Variants in TBC1D9 observed in about 807,000 individuals in gnomAD.
TBC1D9 encodes TBC1 domain family member 9A.
TBC1D9 carries 63 observed loss-of-function variants against 132.0 expected under a neutral mutation model. The ratio of observed to expected loss-of-function variants is 0.48; its 90% confidence interval spans 0.39 to 0.59. The LOEUF is 0.59. Ranked by LOEUF, TBC1D9 falls within the 20% of genes least tolerant of loss-of-function variation. The pLI, the probability that TBC1D9 is intolerant of heterozygous loss-of-function variation, is 0.00. For missense variants in TBC1D9, 1,261 were observed against 1,592.7 expected (o/e 0.79, Z 3.54); for synonymous variants, 610 against 609.9 (o/e 1.00, Z 0.00).
intron 2 of TBC1D9, among the ~76,000 whole-genome samples, chr4:140,692,613 T>C (rs2111031542): frequency 6.6e-6 from 1 of 152,298 alleles, no homozygotes; most frequent in East Asian, 1.9e-4. Flanking sequence ...ATATACTTTT[T>C]CAAAATCCAC....
At chr4:140,629,775 C>T (rs1736762892) in intron 16 of TBC1D9, among the ~76,000 whole-genome samples, 1 of 152,170 alleles carries the variant, frequency 6.6e-6, no homozygotes, top group African/African-American at 2.4e-5. Context: ...CACACTCTCA[C>T]AGTGGAGTTT....
Position 140,748,888 on chromosome 4 carries a change from G to T in TBC1D9, c.130+7028C>A, listed in dbSNP as rs1404972182. Among the ~76,000 whole-genome samples, 4 of 152,282 alleles carry T rather than the reference G, an allele frequency of 2.6e-5. No homozygotes were observed. In the East Asian group the frequency reaches 7.7e-4, roughly 29 times the overall value. On this transcript the variant is annotated intron_variant, in intron 1 of 20. Coordinates refer to ENST00000442267, the MANE Select transcript of TBC1D9 (RefSeq NM_015130.3). ...AAAGTAAAACAAAAATGGTAAACGT[G>T]TAGAGATCCAACTGAATACAGACTT...
chr4:140,687,321 A>ATATGTGTG lies in TBC1D9; in HGVS notation c.242-860_242-859insCACACATA, dbSNP rs1553970627. ...ATATATATGTGTGCCATATATATAT[A>ATATGTGTG]TGTGTGTGTGTGTGTGTGTGTCATA... On this transcript the variant is annotated intron_variant, in intron 2 of 20. Coordinates refer to ENST00000442267, the MANE Select transcript of TBC1D9 (RefSeq NM_015130.3). Among the ~76,000 whole-genome samples the ATATGTGTG allele has an allele frequency of 1.1e-3, 107 of 97,454 alleles. 3 individuals carry two copies. Among genetic ancestry groups the ATATGTGTG allele is most frequent in the South Asian group, 2.6e-3 (7 of 2,718 alleles). The allele number at this position is 97,454 out of a possible 152,430, so 63.9% of individuals were successfully genotyped here.
rs752692413 is a variant in TBC1D9 at position 140,624,116 on chromosome 4, C to T, written c.3078G>A (p.Gln1026=). The part of the protein sequence containing the change: ...KNAKDLPKLN[Q]GQFIELCKTM... Reference sequence around the variant, plus strand: ...AATGATTTGAACTTTAAGCACTTACCTGATTTAATTTGGGTAAATCCTTTG... The same window carrying T: ...AATGATTTGAACTTTAAGCACTTACTTGATTTAATTTGGGTAAATCCTTTG... The change falls in exon 20 of 21, where the codon CAG becomes CAA. Residue 1026 remains glutamine, a splice_region_variant and synonymous_variant. Coordinates refer to ENST00000442267, the MANE Select transcript of TBC1D9 (RefSeq NM_015130.3). 6.9e-6 allele frequency: 11 copies of T among 1,600,654 alleles called. No homozygotes were observed. In the South Asian group the frequency reaches 1.1e-4, roughly 16 times the overall value.
intron 1 of TBC1D9, among the ~76,000 whole-genome samples, chr4:140,754,457 CA>C (rs1054226015): frequency 1.3e-5 from 2 of 150,426 alleles, no homozygotes; most frequent in Admixed American, 6.6e-5. Context: ...ATTAAAAATA[CA>C]AAAAAAATTA....
chr4:140,671,441 T>C (rs1737534312), intron 6 of TBC1D9, among the ~76,000 whole-genome samples: 1 of 152,208 alleles, frequency 6.6e-6, no homozygotes, highest in South Asian at 2.1e-4. Flanking sequence ...AGAGGGCTCC[T>C]CGCTGCTTCA....
At chr4:140,634,588 T>G (rs1254509505) in intron 15 of TBC1D9, among the ~76,000 whole-genome samples, 2 of 152,224 alleles carry the variant, frequency 1.3e-5, no homozygotes, top group Admixed American at 6.5e-5. Context: ...TTAGGTAATG[T>G]GACCGCCTTG....
chr4:140,649,911 C>T (rs1335717899), intron 13 of TBC1D9, among the ~76,000 whole-genome samples: 2 of 152,114 alleles, frequency 1.3e-5, no homozygotes, highest in Non-Finnish European at 2.9e-5. Flanking sequence ...CATAACTCTG[C>T]CAGAAGTGGG....
At chr4:140,734,317 A>T (rs1271304748) in intron 1 of TBC1D9, among the ~76,000 whole-genome samples, 1 of 152,012 alleles carries the variant, frequency 6.6e-6, no homozygotes, top group Non-Finnish European at 1.5e-5. Flanking sequence ...TGTTGTAGAG[A>T]TGGGGTTTCG....
At chr4:140,734,840 T>G (rs1738649341) in intron 1 of TBC1D9, among the ~76,000 whole-genome samples, 3 of 152,110 alleles carry the variant, frequency 2.0e-5, no homozygotes, top group Admixed American at 6.6e-5. Flanking sequence ...CTAATTAATG[T>G]TTTTTGCTTT....
chr4:140,747,188 A>C (rs1276334126), intron 1 of TBC1D9, among the ~76,000 whole-genome samples: 3 of 151,860 alleles, frequency 2.0e-5, no homozygotes, highest in Non-Finnish European at 2.9e-5. Context: ...CCTCTACTAA[A>C]AAAATACAAA....
chr4:140,634,322 G>A, intron 15 of TBC1D9, 134 bp from the exon 16 acceptor site: 1 of 1,270,132 alleles, frequency 7.9e-7, no homozygotes, highest in Non-Finnish European at 1.1e-6. Context: ...TGGCCTCAGG[G>A]CCCCCTTGGT....
intron 1 of TBC1D9, among the ~76,000 whole-genome samples, chr4:140,707,972 A>T (rs1007717057): frequency 2.3e-4 from 35 of 151,966 alleles, no homozygotes; most frequent in East Asian, 1.7e-3. Context: ...ATTGTTTCCT[A>T]CTTCAAAAAA....
At position 140,746,206 on chromosome 4, in the gene TBC1D9, C is replaced by T. The variant is rs191823205; in HGVS notation, c.130+9710G>A. 9.8e-5 allele frequency among the ~76,000 whole-genome samples: 15 copies of T among 152,290 alleles called. No individual in the cohort carries two copies. In the East Asian group the frequency reaches 1.5e-3, roughly 16 times the overall value. ...TCTTTTAAATCTTTGTAAAGTTCAG[C>T]GCCCTAAACATAGTTGATACACAAA... On this transcript the variant is annotated intron_variant, in intron 1 of 20. Transcript: ENST00000442267.
At chr4:140,633,898 C>T (rs1157170443) in intron 16 of TBC1D9, 50 bp downstream of exon 16, 1 of 1,601,690 alleles carries the variant, frequency 6.2e-7, no homozygotes, top group East Asian at 2.2e-5. Flanking sequence ...CAACACTAGG[C>T]ACAACTCCAG....
chr4:140,727,501 T>A (rs1738519684), intron 1 of TBC1D9, among the ~76,000 whole-genome samples: 1 of 152,250 alleles, frequency 6.6e-6, no homozygotes, highest in South Asian at 2.1e-4. Flanking sequence ...TGTGATGCTA[T>A]AATCCCCATT....
chr4:140,694,570 CA>C (rs200877899), intron 2 of TBC1D9, among the ~76,000 whole-genome samples: 43,144 of 100,074 alleles, frequency 0.43, 5,778 homozygotes, highest in East Asian at 0.5. Flanking sequence ...GACCCTGTCT[CA>C]AAAAAAAAAA....
At position 140,728,618 on chromosome 4, in the gene TBC1D9, C is replaced by T. The variant is rs568529040; in HGVS notation, c.131-27004G>A. Among the ~76,000 whole-genome samples, 8 of 152,030 alleles carry T rather than the reference C, an allele frequency of 5.3e-5. No individual in the cohort carries two copies. The South Asian group carries it at 1.5e-3, about 28-fold the overall frequency. On this transcript the variant is annotated intron_variant, in intron 1 of 20. Transcript: ENST00000442267. ...AAGCGATTCTTGTGCCTCAGCCTCG[C>T]GAGTAGCTGGGAAGCTGGGATTACA... is the stretch of plus-strand genomic sequence containing the variant.
chr4:140,660,160 G>A (rs1333542224), intron 10 of TBC1D9, among the ~76,000 whole-genome samples: 1 of 152,218 alleles, frequency 6.6e-6, no homozygotes, highest in Non-Finnish European at 1.5e-5. Flanking sequence ...AGGCTCTCCT[G>A]AGAGAACAAC....
Sources: allele counts gnomAD v4.1 joint callset (sites outside exome capture counted in the v4.1 genomes callset), GRCh38; gene constraint gnomAD v4.1.1; transcripts MANE v1.5; gene names NCBI Gene and HGNC (gene_info 2026-07-23, HGNC 2026-07-21).